Variants in CDIN1 observed in about 807,000 individuals in gnomAD.
CDIN1 encodes CDAN1 interacting nuclease 1, also known as CDAN1-interacting nuclease 1.
CDIN1 carries 33 observed loss-of-function variants against 45.3 expected under a neutral mutation model. The observed-to-expected ratio is 0.73, with a 90% CI of 0.55 to 0.97. CDIN1 has a LOEUF of 0.97. CDIN1 is among the 50% of genes least tolerant of loss of function. The pLI, the probability that CDIN1 is intolerant of heterozygous loss-of-function variation, is 0.00. For missense variants in CDIN1, 303 were observed against 339.4 expected, an observed-to-expected ratio of 0.89 and a Z score of 0.84; for synonymous variants, 118 against 124.4, an observed-to-expected ratio of 0.95 and a Z score of 0.34.
At chr15:36,607,895 G>A (rs1178761302) in intron 1 of CDIN1, among the ~76,000 whole-genome samples, 1 of 152,056 alleles carries the variant, frequency 6.6e-6, no homozygotes, top group African/African-American at 2.4e-5. Context: ...AGTCCTAGGC[G>A]ATCACTAATC....
intron 1 of CDIN1, among the ~76,000 whole-genome samples, chr15:36,594,718 G>A (rs2167991): frequency 1.3e-5 from 2 of 152,174 alleles, no homozygotes; most frequent in African/African-American, 2.4e-5. Context: ...TTGAGGTTAA[G>A]GTTGAGGTGA....
At chr15:36,724,480 A>T (rs1034939324) in intron 10 of CDIN1, among the ~76,000 whole-genome samples, 2 of 152,182 alleles carry the variant, frequency 1.3e-5, no homozygotes, top group Non-Finnish European at 2.9e-5. Flanking sequence ...CTATTAAAGA[A>T]TTGGGAATAG....
At chr15:36,795,985 C>T (rs945654877) in intron 10 of CDIN1, among the ~76,000 whole-genome samples, 6 of 152,176 alleles carry the variant, frequency 3.9e-5, no homozygotes, top group East Asian at 1.9e-4. Context: ...AGTTTACTCA[C>T]GTTTCCTACC....
intron 10 of CDIN1, among the ~76,000 whole-genome samples, chr15:36,725,721 T>A (rs2043599328): frequency 6.6e-6 from 1 of 152,234 alleles, no homozygotes; most frequent in Non-Finnish European, 1.5e-5. Context: ...ATTTATCTAC[T>A]GTGAAGTGGG....
intron 1 of CDIN1, among the ~76,000 whole-genome samples, chr15:36,599,783 G>T (rs896476503): frequency 2.0e-5 from 3 of 152,184 alleles, no homozygotes; most frequent in African/African-American, 7.2e-5. Flanking sequence ...GGGCTCCTCA[G>T]CTGTGCAGTG....
At position 36,647,334 on chromosome 15, in the gene CDIN1, A is replaced by G. The variant is rs2040375216; in HGVS notation, c.212+2047A>G. 2.0e-5 allele frequency among the ~76,000 whole-genome samples: 3 copies of G among 152,174 alleles called. No homozygotes were observed. In the South Asian group the frequency reaches 6.2e-4, roughly 32 times the overall value. On this transcript the variant is annotated intron_variant, in intron 3 of 10. Transcript: ENST00000566621. ...GCCACTGTGCCTGGCCCAGAAATAA[A>G]TACCTTTAAGTATACCCAATGATGA...
chr15:36,687,288 A>T (rs2042094177), intron 5 of CDIN1, among the ~76,000 whole-genome samples: 2 of 152,292 alleles, frequency 1.3e-5, no homozygotes, highest in South Asian at 2.1e-4. Context: ...GATTTTAGAA[A>T]ATCCAACAAA....
chr15:36,671,486 C>G (rs772639713), intron 5 of CDIN1, among the ~76,000 whole-genome samples: 5 of 151,006 alleles, frequency 3.3e-5, no homozygotes, highest in Admixed American at 6.6e-5. Context: ...GTGTGTTTCT[C>G]TTTTTTTTTG....
At chr15:36,589,232 A>G (rs1290901745) in intron 1 of CDIN1, among the ~76,000 whole-genome samples, 1 of 152,224 alleles carries the variant, frequency 6.6e-6, no homozygotes, top group Non-Finnish European at 1.5e-5. Flanking sequence ...AAAACAATCA[A>G]TATATGCTTT....
At chr15:36,686,534 A>G (rs1291658875) in intron 5 of CDIN1, among the ~76,000 whole-genome samples, 3 of 150,292 alleles carry the variant, frequency 2.0e-5, no homozygotes, top group Non-Finnish European at 4.4e-5. Flanking sequence ...CAATGTGCAC[A>G]TGTACCCTAA....
rs76124581 is a variant in CDIN1 at position 36,694,899 on chromosome 15, T to C, written c.477-2424T>C. ...TGTGGAATAGAAGTAAATAATTTAG[T>C]TCTAAAGTGTGGGATGCCCCTAGTA... On this transcript the variant is annotated intron_variant, in intron 7 of 10. Coordinates refer to ENST00000566621, the MANE Select transcript of CDIN1 (RefSeq NM_001321759.2). Among the ~76,000 whole-genome samples, 349 of 152,346 alleles carry C rather than the reference T, an allele frequency of 2.3e-3. 1 individual carries two copies. Among genetic ancestry groups the C allele is most frequent in the African/African-American group, 7.7e-3 (319 of 41,576 alleles).
rs570377136 is a variant in CDIN1, at chr15:36,745,941, G to C, written c.716+35980G>C. 1.1e-4 allele frequency among the ~76,000 whole-genome samples: 17 copies of C among 152,220 alleles called. No individual in the cohort carries two copies. The East Asian group carries it at 2.9e-3, about 26-fold the overall frequency. ...AGATCACGCCATTGCACTCCAGCCTGGGCGACAGAGTGAGACGCCATCTCC... is the reference window on the plus strand; with the variant it reads ...AGATCACGCCATTGCACTCCAGCCTCGGCGACAGAGTGAGACGCCATCTCC... On this transcript the variant is annotated intron_variant, in intron 10 of 10. Transcript: ENST00000566621.
At chr15:36,680,733 AAAATGGC>A (rs1467563152) in intron 5 of CDIN1, among the ~76,000 whole-genome samples, 2 of 152,146 alleles carry the variant, frequency 1.3e-5, no homozygotes, top group African/African-American at 4.8e-5. Flanking sequence ...TTTCTTGGAG[AAAATGGC>A]AAGGAAGCTT....
intron 1 of CDIN1, among the ~76,000 whole-genome samples, chr15:36,585,823 G>A (rs907536677): frequency 2.6e-5 from 4 of 152,162 alleles, no homozygotes; most frequent in African/African-American, 7.2e-5. Flanking sequence ...ATAAGGACAA[G>A]AAGAAAAATT....
intron 7 of CDIN1, among the ~76,000 whole-genome samples, chr15:36,692,463 A>G (rs577756449): frequency 6.6e-6 from 1 of 152,340 alleles, no homozygotes; most frequent in East Asian, 1.9e-4. Context: ...TAGGCAGGTA[A>G]CGTAATGTCT....
chr15:36,733,469 CAACTT>C (rs1399021748), intron 10 of CDIN1, among the ~76,000 whole-genome samples: 1 of 151,984 alleles, frequency 6.6e-6, no homozygotes, highest in Non-Finnish European at 1.5e-5. Flanking sequence ...ATCATTTACT[CAACTT>C]ATATTAAAGG....
chr15:36,701,819 G>A (rs1399320092), intron 8 of CDIN1, among the ~76,000 whole-genome samples: 1 of 152,174 alleles, frequency 6.6e-6, no homozygotes, highest in Non-Finnish European at 1.5e-5. Context: ...TAGCATTTGT[G>A]TATTACTCTG....
intron 10 of CDIN1, among the ~76,000 whole-genome samples, chr15:36,769,742 T>C (rs2054018831): frequency 1.3e-5 from 2 of 152,228 alleles, no homozygotes; most frequent in East Asian, 1.9e-4. Context: ...TCCTATTCTT[T>C]CATGGTTGGG....
At chr15:36,798,025 CAAAAAA>C (rs11307856) in intron 10 of CDIN1, among the ~76,000 whole-genome samples, 4 of 93,572 alleles carry the variant, frequency 4.3e-5, no homozygotes, top group Non-Finnish European at 8.1e-5. Context: ...GAGTTATTAG[CAAAAAA>C]AAAAAAAAAA....
Sources: allele counts gnomAD v4.1 joint callset (sites outside exome capture counted in the v4.1 genomes callset), GRCh38; gene constraint gnomAD v4.1.1; transcripts MANE v1.5; gene names NCBI Gene and HGNC (gene_info 2026-07-23, HGNC 2026-07-21).